The following POF1B variants were observed in gnomAD, a reference collection of about 807,000 sequenced individuals.
The protein encoded by POF1B is protein POF1B.
POF1B carries 53 observed loss-of-function variants against 55.3 expected under a neutral mutation model. The ratio of observed to expected loss-of-function variants is 0.96; its 90% CI spans 0.77 to 1.20. POF1B has a LOEUF of 1.20. Among genes scored for constraint, POF1B ranks in the 50% most tolerant of loss-of-function variants. The probability of loss-of-function intolerance (pLI) is 0.00; values close to 1 mark genes in which losing one functional copy is unlikely to be tolerated. For missense variants in POF1B, 478 were observed against 420.5 expected, an observed-to-expected ratio of 1.14 and a Z score of -1.20; for synonymous variants, 188 against 148.3, an observed-to-expected ratio of 1.27 and a Z score of -1.95.
intron 7 of POF1B, among the ~76,000 whole-genome samples, 178 bp from the exon 8 acceptor site, chrX:85,315,912 AT>A (rs936475012): frequency 3.0e-4 from 33 of 110,656 alleles, no homozygotes; most frequent in South Asian, 1.9e-3. Flanking sequence ...GTTTGACTAA[AT>A]TTTTTTTTCT....
intron 15 of POF1B, among the ~76,000 whole-genome samples, chrX:85,282,989 CA>C (rs1171335249): frequency 2.7e-5 from 3 of 111,116 alleles, no homozygotes; most frequent in African/African-American, 6.5e-5. Context: ...ATATAGAGGC[CA>C]TCAGATAGAT....
At position 85,351,558 on chromosome X, in the gene POF1B, C is replaced by T. The variant is rs767324112; in HGVS notation, c.439-107G>A. ...GAATAGGCTCTGAAGTACTGGCTGA[C>T]CTTAGGAAGAGAGAGGAATGACATC... On this transcript the variant is annotated intron_variant, in intron 4 of 16. Transcript: ENST00000262753. 19 of 499,681 alleles carry T rather than the reference C, an allele frequency of 3.8e-5. No homozygotes were observed. In the South Asian group the frequency reaches 5.8e-4, roughly 15 times the overall value. 41.2% of individuals were successfully genotyped at this position (499,681 alleles called of 1,213,427 possible).
At chrX:85,321,011 G>T (rs931755201) in intron 7 of POF1B, among the ~76,000 whole-genome samples, 1 of 111,118 alleles carries the variant, frequency 9.0e-6, no homozygotes, top group East Asian at 2.8e-4. Flanking sequence ...TCTACCAGAG[G>T]TACAAGGAGG....
At chrX:85,370,323 A>G (rs1446820962) in intron 2 of POF1B, among the ~76,000 whole-genome samples, 2 of 111,958 alleles carry the variant, frequency 1.8e-5, no homozygotes, top group Non-Finnish European at 3.8e-5. Context: ...AAGTCCATAG[A>G]TTATAATGTA....
chrX:85,292,572 TTTG>T (rs1298640070), intron 15 of POF1B, among the ~76,000 whole-genome samples: 1 of 111,512 alleles, frequency 9.0e-6, no homozygotes, highest in African/African-American at 3.3e-5. Context: ...TCCTGGCCTT[TTTG>T]TTGTTGTTGT....
chrX:85,362,674 G>C lies in POF1B; in HGVS notation c.358-3044C>G, dbSNP rs1268401905. Among the ~76,000 whole-genome samples the C allele has an allele frequency of 1.8e-5, 2 of 111,519 alleles. 1 individual carries two copies. The highest frequency in any genetic ancestry group is 7.5e-4 in the South Asian group (2 of 2,661). On this transcript the variant is annotated intron_variant, in intron 3 of 16. Coordinates refer to ENST00000262753, the MANE Select transcript of POF1B (RefSeq NM_024921.4). ...TTTGGTGGAGGATTTTTGCATCAATGCTCATCAAGGATATTGGCCTGAAGC... is the reference window on the plus strand; with the variant it reads ...TTTGGTGGAGGATTTTTGCATCAATCCTCATCAAGGATATTGGCCTGAAGC...
chrX:85,366,282 C>T (rs1486661346), intron 3 of POF1B, among the ~76,000 whole-genome samples: 1 of 110,530 alleles, frequency 9.0e-6, no homozygotes, highest in Non-Finnish European at 1.9e-5. Context: ...TTGAATAATA[C>T]AAATTTATAT....
chrX:85,289,662 A>C (rs1334940311), intron 15 of POF1B, among the ~76,000 whole-genome samples: 1 of 111,920 alleles, frequency 8.9e-6, no homozygotes, highest in African/African-American at 3.2e-5. Flanking sequence ...AACCAAAACC[A>C]AAACAAAAAA....
chrX:85,342,330 G>T (rs1190231672), intron 6 of POF1B, among the ~76,000 whole-genome samples: 1 of 111,495 alleles, frequency 9.0e-6, no homozygotes, highest in Admixed American at 9.5e-5. Flanking sequence ...GTACTTTAAA[G>T]GTGATCTAGT....
At chrX:85,369,785 T>C (rs919677834) in intron 2 of POF1B, among the ~76,000 whole-genome samples, 1 of 111,927 alleles carries the variant, frequency 8.9e-6, no homozygotes, top group Non-Finnish European at 1.9e-5. Context: ...ATGTGTGTTA[T>C]TCATTTGAAC....
chrX:85,293,698 G>T (rs1175201318), intron 15 of POF1B, among the ~76,000 whole-genome samples: 3 of 112,149 alleles, frequency 2.7e-5, no homozygotes, highest in Non-Finnish European at 5.6e-5. Context: ...AACAGGCCGG[G>T]CATGGTGGCT....
intron 7 of POF1B, among the ~76,000 whole-genome samples, chrX:85,330,068 A>G (rs1299541372): frequency 9.1e-6 from 1 of 109,814 alleles, no homozygotes; most frequent in East Asian, 2.8e-4. Flanking sequence ...CTTCCAAATT[A>G]TTTTGAATTT....
intron 13 of POF1B, 44 bp downstream of exon 13, chrX:85,305,747 G>C (rs763826241): frequency 8.6e-7 from 1 of 1,163,151 alleles, no homozygotes; most frequent in Non-Finnish European, 1.1e-6. Context: ...TTGCTAGAAA[G>C]TTTGTGCTGA....
rs1931821332 is a variant in POF1B, at chrX:85,278,207, T to C, written c.*1214A>G. The C allele has an allele frequency of 9.0e-6, 1 of 110,989 alleles. No homozygotes were observed. Among genetic ancestry groups the C allele is most frequent in the African/African-American group, 3.3e-5 (1 of 30,683 alleles). The allele number at this position is 110,989 out of a possible 1,213,427, so 9.1% of individuals were successfully genotyped here. A position where few individuals can be genotyped will look rare whatever the true frequency, so the allele number is the denominator to read the frequency against. ...GTAGTGCCTCAACTGTTCTTAATGG[T>C]GTCTTAGTATAATGCATAATTATTA... is the stretch of plus-strand genomic sequence containing the variant. On this transcript the variant is annotated 3_prime_UTR_variant, in exon 17 of 17. Transcript: ENST00000262753.
chrX:85,350,565 G>A (rs201015244), intron 5 of POF1B, among the ~76,000 whole-genome samples: 3 of 110,831 alleles, frequency 2.7e-5, no homozygotes, highest in East Asian at 5.7e-4. Context: ...GGATGGCTGG[G>A]TCAAATGGTA....
At chrX:85,338,937 T>C (rs750978375) in intron 6 of POF1B, among the ~76,000 whole-genome samples, 5 of 111,255 alleles carry the variant, frequency 4.5e-5, no homozygotes, top group African/African-American at 1.3e-4. Flanking sequence ...AAATGATGCA[T>C]TGGAGCTGAG....
chrX:85,307,176 T>A lies in POF1B; in HGVS notation c.1151A>T (p.Asn384Ile). Residue 384 changes from asparagine (N) to isoleucine (I), a missense_variant, in exon 11 of 17, where the codon AAT (asparagine) becomes ATT (isoleucine). Physicochemically the swap from Asn to Ile is moderately radical, Grantham distance 149. Coordinates refer to ENST00000262753, the MANE Select transcript of POF1B (RefSeq NM_024921.4). ...EELLASVRAN[N>I]HQQQQGLQDS... ...GCATCAGTTTACCTGCTGCTGGTGA[T>A]TATTTGCTCTCACTGATGCCAAGAG... 1 of 1,201,327 alleles carries A rather than the reference T, an allele frequency of 8.3e-7. No individual in the cohort carries two copies.
rs1190944169 is a variant in POF1B at position 85,282,332 on chromosome X, A to G, written c.1650-15T>C. The G allele has an allele frequency of 9.4e-7, 1 of 1,068,858 alleles. No homozygotes were observed. Among genetic ancestry groups the G allele is most frequent in the Non-Finnish European group, 1.3e-6 (1 of 799,154 alleles). 88.1% of individuals were successfully genotyped at this position (1,068,858 alleles called of 1,213,427 possible). A position where few individuals can be genotyped will look rare whatever the true frequency, so the allele number is the denominator to read the frequency against. On this transcript the variant is annotated splice_polypyrimidine_tract_variant and intron_variant, in intron 15 of 16. Transcript: ENST00000262753. Reference sequence around the variant, plus strand: ...GTGTCCTGTACCTGTTGGCAAGAAAAGAGTTAGTTTACAGGCTGCATGAGA... The same window carrying G: ...GTGTCCTGTACCTGTTGGCAAGAAAGGAGTTAGTTTACAGGCTGCATGAGA...
intron 5 of POF1B, among the ~76,000 whole-genome samples, chrX:85,346,570 C>T (rs886395880): frequency 9.1e-6 from 1 of 110,046 alleles, no homozygotes; most frequent in African/African-American, 3.3e-5. Context: ...GCGACTGAAA[C>T]TTTAGACCTA....
Sources: gnomAD v4.1 joint callset for allele counts (sites outside exome capture counted in the v4.1 genomes callset) on GRCh38, gnomAD v4.1.1 for gene constraint, MANE v1.5 for transcripts, NCBI Gene and HGNC (gene_info 2026-07-23, HGNC 2026-07-21) for gene names.